Variants in LRP1B observed in about 807,000 individuals in gnomAD.
The protein encoded by LRP1B is LDL receptor related protein 1B, also known as low-density lipoprotein receptor-related protein 1B.
A neutral mutation model predicts 556.6 loss-of-function variants in LRP1B; 217 were observed. That is an observed-to-expected ratio of 0.39 (90% confidence interval 0.35 to 0.44). The LOEUF (loss-of-function observed/expected upper bound fraction) is 0.44, where lower values mean the gene tolerates loss of function less well. Ranked by LOEUF, LRP1B falls within the 20% of genes least tolerant of loss-of-function variation. The pLI is 1.00. For missense variants in LRP1B, 5,053 were observed against 5,620.8 expected, an observed-to-expected ratio of 0.90 and a Z score of 3.23; for synonymous variants, 2,047 against 1,865.8, an observed-to-expected ratio of 1.10 and a Z score of -2.50.
chr2:141,995,745 T>C (rs1029598992), intron 1 of LRP1B, among the ~76,000 whole-genome samples: 6 of 152,216 alleles, frequency 3.9e-5, no homozygotes, highest in Non-Finnish European at 7.3e-5. Flanking sequence ...TTTTAGCTTT[T>C]ATTGGTGAAA....
intron 3 of LRP1B, among the ~76,000 whole-genome samples, chr2:141,425,252 T>A (rs985010322): frequency 1.7e-4 from 26 of 151,968 alleles, no homozygotes; most frequent in Admixed American, 1.0e-3. Flanking sequence ...CATGAAGTCA[T>A]CATTTTTTAT....
chr2:140,304,229 C>A (rs111886154), intron 83 of LRP1B, among the ~76,000 whole-genome samples: 1 of 152,096 alleles, frequency 6.6e-6, no homozygotes, highest in African/African-American at 2.4e-5. Context: ...CTTGAGGAGT[C>A]GCCACACTGT....
intron 2 of LRP1B, among the ~76,000 whole-genome samples, chr2:141,723,084 C>T (rs1404167077): frequency 6.6e-6 from 1 of 150,604 alleles, no homozygotes; most frequent in Non-Finnish European, 1.5e-5. Context: ...AGAGATTTCA[C>T]ATATTTACAG....
At chr2:140,565,766 C>A (rs1054701075) in intron 43 of LRP1B, among the ~76,000 whole-genome samples, 1 of 152,130 alleles carries the variant, frequency 6.6e-6, no homozygotes, top group Admixed American at 6.5e-5. Flanking sequence ...GATAGCCACA[C>A]AGAAAACTGA....
At chr2:141,253,827 T>C (rs1325655946) in intron 4 of LRP1B, among the ~76,000 whole-genome samples, 2 of 151,228 alleles carry the variant, frequency 1.3e-5, no homozygotes, top group East Asian at 3.9e-4. Context: ...GAGAGAGACG[T>C]GCTATATTAT....
chr2:142,079,848 T>C (rs1045026971), intron 1 of LRP1B, among the ~76,000 whole-genome samples: 5 of 152,186 alleles, frequency 3.3e-5, no homozygotes, highest in South Asian at 2.1e-4. Context: ...ATATCTTATG[T>C]TTTAATTTGC....
chr2:140,978,387 C>G (rs907287246), intron 18 of LRP1B, among the ~76,000 whole-genome samples: 4 of 151,992 alleles, frequency 2.6e-5, no homozygotes, highest in Non-Finnish European at 5.9e-5. Flanking sequence ...TAGCCATAAC[C>G]CTAACAGAGA....
intron 41 of LRP1B, among the ~76,000 whole-genome samples, chr2:140,669,873 C>T (rs577303400): frequency 5.3e-5 from 8 of 152,152 alleles, no homozygotes; most frequent in African/African-American, 1.9e-4. Context: ...ATTCATATTA[C>T]TATAGTTTTC....
At chr2:141,724,670 TTTTG>T (rs1223577692) in intron 2 of LRP1B, among the ~76,000 whole-genome samples, 1 of 151,606 alleles carries the variant, frequency 6.6e-6, no homozygotes, top group Non-Finnish European at 1.5e-5. Flanking sequence ...CTATCAGTGT[TTTTG>T]TTTGTTTTGT....
At chr2:142,015,792 G>A (rs1703103341) in intron 1 of LRP1B, among the ~76,000 whole-genome samples, 1 of 151,814 alleles carries the variant, frequency 6.6e-6, no homozygotes, top group Admixed American at 6.6e-5. Context: ...AGGCGATCGA[G>A]ACCATCCTGG....
At chr2:142,076,650 A>C (rs140969886) in intron 1 of LRP1B, among the ~76,000 whole-genome samples, 2 of 152,224 alleles carry the variant, frequency 1.3e-5, no homozygotes, top group African/African-American at 4.8e-5. Flanking sequence ...TTCTTCTTTA[A>C]AGTGGAACAA....
intron 2 of LRP1B, among the ~76,000 whole-genome samples, chr2:141,712,380 A>C (rs1011812171): frequency 6.6e-6 from 1 of 151,724 alleles, no homozygotes; most frequent in Non-Finnish European, 1.5e-5. Context: ...ACCCTGTCTA[A>C]AAAAAAACAA....
intron 20 of LRP1B, among the ~76,000 whole-genome samples, chr2:140,923,467 A>G (rs990055127): frequency 6.6e-6 from 1 of 152,060 alleles, no homozygotes; most frequent in African/African-American, 2.4e-5. Context: ...ACTCATGCCT[A>G]AAGGATGAAA....
intron 7 of LRP1B, among the ~76,000 whole-genome samples, chr2:141,108,801 A>G (rs955600957): frequency 6.6e-6 from 1 of 152,226 alleles, no homozygotes; most frequent in African/African-American, 2.4e-5. Context: ...ATGACCTGAC[A>G]AGATGTCCTT....
intron 21 of LRP1B, among the ~76,000 whole-genome samples, chr2:140,915,503 A>T (rs63389660): frequency 8.2e-5 from 11 of 134,332 alleles, no homozygotes; most frequent in Non-Finnish European, 1.5e-4. Flanking sequence ...AAAAAAAAAA[A>T]TTTAGTCAGG....
intron 1 of LRP1B, among the ~76,000 whole-genome samples, chr2:141,819,432 A>G (rs1275450467): frequency 6.6e-6 from 1 of 152,170 alleles, no homozygotes; most frequent in Non-Finnish European, 1.5e-5. Flanking sequence ...CACGTTTGCA[A>G]TAACGTAACA....
intron 1 of LRP1B, among the ~76,000 whole-genome samples, chr2:141,854,281 G>A (rs1311375018): frequency 1.3e-5 from 2 of 151,878 alleles, no homozygotes; most frequent in Non-Finnish European, 2.9e-5. Flanking sequence ...CGTCATAATT[G>A]TGGCTGATAA....
At chr2:141,804,471 C>T (rs1245900637) in intron 2 of LRP1B, among the ~76,000 whole-genome samples, 4 of 151,910 alleles carry the variant, frequency 2.6e-5, no homozygotes, top group Non-Finnish European at 5.9e-5. Context: ...AATTTCTATA[C>T]CAAATGTATC....
intron 41 of LRP1B, among the ~76,000 whole-genome samples, chr2:140,630,499 C>T (rs1036888442): frequency 6.6e-6 from 1 of 152,130 alleles, no homozygotes; most frequent in Non-Finnish European, 1.5e-5. Flanking sequence ...ACCATCATAG[C>T]TACAAATGGG....
Sources: gnomAD v4.1 joint callset for allele counts (sites outside exome capture counted in the v4.1 genomes callset) on GRCh38, gnomAD v4.1.1 for gene constraint, MANE v1.5 for transcripts, NCBI Gene and HGNC (gene_info 2026-07-23, HGNC 2026-07-21) for gene names.